ZNF709: variants seen among roughly 807,000 people sequenced by gnomAD.
The protein encoded by ZNF709 is zinc finger protein 709.
ZNF709 carries 15 observed loss-of-function variants against 10.6 expected under a neutral mutation model. The ratio of observed to expected loss-of-function variants is 1.41; its 90% CI spans 0.95 to 2.18. The LOEUF is 2.18. Ranked by LOEUF, ZNF709 falls within the 30% of genes most tolerant of loss-of-function variation. ZNF709 has a pLI of 0.00. For missense variants in ZNF709, 589 were observed against 774.0 expected (o/e 0.76, Z 2.84); for synonymous variants, 194 against 238.8 (o/e 0.81, Z 1.73).
At position 12,465,247 on chromosome 19, in the gene ZNF709, T is replaced by C; in HGVS notation, c.675A>G (p.Lys225=). The C allele has an allele frequency of 4.3e-6, 7 of 1,612,914 alleles. No individual in the cohort carries two copies. The highest frequency in any genetic ancestry group is 5.9e-6 in the Non-Finnish European group (7 of 1,179,088). The change falls in exon 4 of 4, where the codon AAA becomes AAG. Residue 225 remains lysine, a synonymous_variant. Transcript: ENST00000397732. ...TGAACGTTTTCCCGCATTCTTTACA[T>C]TTATAGGGTTTCTCCCCTGTGTGCA... The part of the protein sequence containing the change: ...MRMHTGEKPY[K]CKECGKTFSH...
intron 1 of ZNF709, 33 bp downstream of exon 1, chr19:12,484,622 C>G (rs1599637693): frequency 6.2e-7 from 1 of 1,613,612 alleles, no homozygotes; most frequent in East Asian, 2.2e-5. Flanking sequence ...GCCCCTCTCT[C>G]CCATCTCAAG....
At chr19:12,467,459 C>T (rs537274371) in intron 1 of ZNF709, among the ~76,000 whole-genome samples, 17 of 152,360 alleles carry the variant, frequency 1.1e-4, no homozygotes, top group African/African-American at 4.1e-4. Flanking sequence ...GGTGCCCAGG[C>T]TGGAGTGCAG....
At chr19:12,479,608 C>G (rs1223649372) in intron 1 of ZNF709, among the ~76,000 whole-genome samples, 1 of 152,114 alleles carries the variant, frequency 6.6e-6, no homozygotes, top group East Asian at 1.9e-4. Context: ...CGATGGCTCA[C>G]GCCTGTAATC....
chr19:12,465,941 CT>C (rs67044147), intron 3 of ZNF709, among the ~76,000 whole-genome samples: 50,905 of 136,170 alleles, frequency 0.37, 10,874 homozygotes, highest in Non-Finnish European at 0.52. Context: ...GAGTTTATTT[CT>C]TTTTTTTTTT....
intron 1 of ZNF709, among the ~76,000 whole-genome samples, chr19:12,476,389 CAA>C (rs35824945): frequency 4.0e-4 from 34 of 84,248 alleles, no homozygotes; most frequent in Admixed American, 5.0e-4. Context: ...GAACTTGCCT[CAA>C]AAAAAAAAAA....
intron 1 of ZNF709, among the ~76,000 whole-genome samples, chr19:12,475,075 T>C (rs909331611): frequency 2.0e-5 from 3 of 151,234 alleles, no homozygotes; most frequent in African/African-American, 7.3e-5. Flanking sequence ...CTGTCCAAAG[T>C]GACAAAACCC....
chr19:12,472,652 G>A (rs2144998589), intron 1 of ZNF709, among the ~76,000 whole-genome samples: 1 of 152,146 alleles, frequency 6.6e-6, no homozygotes, highest in East Asian at 1.9e-4. Flanking sequence ...GAAGGTCGAG[G>A]CGAGCAGATC....
chr19:12,479,120 T>C (rs975041127), intron 1 of ZNF709, among the ~76,000 whole-genome samples: 10 of 151,944 alleles, frequency 6.6e-5, no homozygotes, highest in South Asian at 4.2e-4. Flanking sequence ...CTGAGCAACA[T>C]AGTAAGACTC....
At position 12,466,473 on chromosome 19, in the gene ZNF709, C is replaced by T. The variant is rs544289399; in HGVS notation, c.177G>A (p.Gly59=). The change falls in exon 3 of 4, where the codon GGG becomes GGA. Residue 59 remains glycine, a synonymous_variant. Transcript: ENST00000397732. ...TAAGTACAACTCACCTTAGCTTTCT[C>T]CCCTGATTTTTGTGATCTTCAATGT... ...EKNIEDHKNQ[G]RKLRSHMVER... is the part of the protein sequence containing the mutation. The T allele has an allele frequency of 3.7e-6, 6 of 1,613,978 alleles. No homozygotes were observed. Among genetic ancestry groups the T allele is most frequent in the Non-Finnish European group, 5.1e-6 (6 of 1,179,954 alleles).
intron 1 of ZNF709, among the ~76,000 whole-genome samples, chr19:12,472,430 G>A (rs1487059757): frequency 5.4e-5 from 8 of 148,272 alleles, no homozygotes; most frequent in African/African-American, 2.0e-4. Flanking sequence ...GCTGAGGCAG[G>A]AGAACTGCTT....
Position 12,465,541 on chromosome 19 carries a change from A to T in ZNF709, c.381T>A (p.His127Gln). 6.2e-7 allele frequency: 1 copy of T among 1,613,586 alleles called. No homozygotes were observed. The highest frequency in any genetic ancestry group is 8.5e-7 in the Non-Finnish European group (1 of 1,179,864). Residue 127 changes from histidine (H) to glutamine (Q), a missense_variant, in exon 4 of 4, where the codon CAT (histidine) becomes CAA (glutamine). Physicochemically the swap from His to Gln is conservative, Grantham distance 24 (BLOSUM62 0). Coordinates refer to ENST00000397732, the MANE Select transcript of ZNF709 (RefSeq NM_152601.4). Reference protein sequence around the residue: ...LNRHMRSHTEHRSYEYHKYGE... With the variant: ...LNRHMRSHTEQRSYEYHKYGE... ...CATATTTGTGATATTCATATGATCT[A>T]TGTTCAGTATGAGATCTCATGTGCC... is the stretch of plus-strand genomic sequence containing the variant.
chr19:12,479,628 T>C (rs936644913), intron 1 of ZNF709, among the ~76,000 whole-genome samples: 9 of 152,310 alleles, frequency 5.9e-5, no homozygotes, highest in South Asian at 2.1e-4. Context: ...CCTAGCACTT[T>C]GGGAGACCAA....
intron 1 of ZNF709, among the ~76,000 whole-genome samples, chr19:12,480,677 C>A (rs542970569): frequency 1.6e-5 from 2 of 128,026 alleles, no homozygotes; most frequent in African/African-American, 2.7e-5. Flanking sequence ...AGCAAGACTC[C>A]GTCTCAAAAA....
chr19:12,471,012 T>TA (rs1970630660), intron 1 of ZNF709, among the ~76,000 whole-genome samples: 1 of 152,028 alleles, frequency 6.6e-6, no homozygotes, highest in African/African-American at 2.4e-5. Flanking sequence ...TTTTCCTTCT[T>TA]AGAGTCTGGA....
intron 1 of ZNF709, among the ~76,000 whole-genome samples, chr19:12,472,670 G>A (rs1281062860): frequency 2.0e-5 from 3 of 152,130 alleles, no homozygotes; most frequent in African/African-American, 7.2e-5. Flanking sequence ...ATCACTTGAG[G>A]TTAGAAGTTT....
chr19:12,484,526 C>T (rs554141453), intron 1 of ZNF709, 129 bp downstream of exon 1: 245 of 1,304,524 alleles, frequency 1.9e-4, no homozygotes, highest in Non-Finnish European at 2.5e-4. Flanking sequence ...CCGAGCTGCG[C>T]CAGGAGGACT....
chr19:12,474,075 T>A (rs1313274052), intron 1 of ZNF709, among the ~76,000 whole-genome samples: 1 of 152,216 alleles, frequency 6.6e-6, no homozygotes, highest in Non-Finnish European at 1.5e-5. Flanking sequence ...TAAACATTTT[T>A]AAAAGGAATG....
intron 1 of ZNF709, among the ~76,000 whole-genome samples, chr19:12,477,566 G>C (rs2862168): frequency 6.6e-6 from 1 of 151,890 alleles, no homozygotes; most frequent in Admixed American, 6.6e-5. Context: ...ATTATCAGGG[G>C]ATACCTTGCT....
At chr19:12,468,211 G>T (rs1160928528) in intron 1 of ZNF709, among the ~76,000 whole-genome samples, 4 of 152,260 alleles carry the variant, frequency 2.6e-5, no homozygotes, top group Non-Finnish European at 5.9e-5. Context: ...AGCTCATTGA[G>T]AACGGGCCAT....
Sources: gnomAD v4.1 joint callset for allele counts (sites outside exome capture counted in the v4.1 genomes callset) on GRCh38, gnomAD v4.1.1 for gene constraint, MANE v1.5 for transcripts, NCBI Gene and HGNC (gene_info 2026-07-23, HGNC 2026-07-21) for gene names.